PDE1C: variants seen among roughly 807,000 people sequenced by gnomAD.
PDE1C encodes the protein dual specificity calcium/calmodulin-dependent 3',5'-cyclic nucleotide phosphodiesterase 1C.
In PDE1C, 62 loss-of-function variants were observed where a neutral mutation model predicts 93.1. The ratio of observed to expected loss-of-function variants is 0.67; its 90% confidence interval spans 0.54 to 0.82. The LOEUF is 0.82. PDE1C is among the 40% of genes least tolerant of loss of function. The pLI, the probability that PDE1C is intolerant of heterozygous loss-of-function variation, is 0.00. For synonymous variants in PDE1C, 325 were observed against 310.1 expected (o/e 1.05, Z -0.50); for missense variants, 742 against 884.6 (o/e 0.84, Z 2.04).
At chr7:31,631,286 G>A in the PDE1C span, among the ~76,000 whole-genome samples, 1 of 152,088 alleles carries the variant, frequency 6.6e-6, no homozygotes, top group African/African-American at 2.4e-5. Context: ...ACACATATGC[G>A]TGCGTGCACA....
intron 2 of PDE1C, among the ~76,000 whole-genome samples, chr7:32,039,428 C>A (rs117391774): frequency 3.9e-5 from 6 of 152,246 alleles, no homozygotes; most frequent in Non-Finnish European, 8.8e-5. Context: ...TCTGAGAATT[C>A]TTGATTATGA....
At chr7:32,160,139 C>A (rs1801820999) in intron 3 of PDE1C, among the ~76,000 whole-genome samples, 1 of 152,080 alleles carries the variant, frequency 6.6e-6, no homozygotes, top group Non-Finnish European at 1.5e-5. Flanking sequence ...ATCACACCTG[C>A]CAGCAGAGCC....
At chr7:31,998,493 G>A (rs531298729) in intron 2 of PDE1C, among the ~76,000 whole-genome samples, 2 of 152,182 alleles carry the variant, frequency 1.3e-5, no homozygotes, top group East Asian at 3.9e-4. Flanking sequence ...GTAATATACC[G>A]AATGATCATT....
At chr7:31,884,891 C>A (rs1286756445) in intron 2 of PDE1C, among the ~76,000 whole-genome samples, 3 of 152,170 alleles carry the variant, frequency 2.0e-5, no homozygotes, top group Non-Finnish European at 2.9e-5. Flanking sequence ...GAAGGGTTGT[C>A]TGAAAATTAG....
At chr7:32,340,347 AG>A (rs141333756) in intron 1 of PDE1C, among the ~76,000 whole-genome samples, 2,885 of 152,238 alleles carry the variant, frequency 0.019, 39 homozygotes, top group South Asian at 0.028. Context: ...GAGAATAGGG[AG>A]TGAATGTGGA....
the PDE1C span, among the ~76,000 whole-genome samples, chr7:31,645,721 C>T: frequency 1.9e-4 from 29 of 152,178 alleles, 1 homozygote; most frequent in African/African-American, 6.3e-4. Flanking sequence ...GATGACATTT[C>T]GTGATGTTTG....
chr7:32,406,653 G>C (rs1288313574), intron 1 of PDE1C, among the ~76,000 whole-genome samples: 1 of 152,120 alleles, frequency 6.6e-6, no homozygotes, highest in Non-Finnish European at 1.5e-5. Flanking sequence ...ATATGGTTTT[G>C]GGACTGTGGG....
chr7:32,331,340 C>A (rs11514764), intron 1 of PDE1C, among the ~76,000 whole-genome samples: 1 of 152,034 alleles, frequency 6.6e-6, no homozygotes, highest in Non-Finnish European at 1.5e-5. Flanking sequence ...CGCTGGTGTG[C>A]GAAGCAAGAC....
At chr7:32,076,642 C>CAAAA (rs869181797) in intron 3 of PDE1C, among the ~76,000 whole-genome samples, 1 of 40,498 alleles carries the variant, frequency 2.5e-5, no homozygotes, top group African/African-American at 9.5e-5. Context: ...GACTCCATCT[C>CAAAA]AAAAAAAAAA....
At chr7:31,732,550 T>A in the PDE1C span, among the ~76,000 whole-genome samples, 1 of 152,104 alleles carries the variant, frequency 6.6e-6, no homozygotes, top group Non-Finnish European at 1.5e-5. Context: ...ATACCTGGCC[T>A]ACCCTTTGGA....
chr7:31,964,374 G>C (rs1809547085), intron 2 of PDE1C, among the ~76,000 whole-genome samples: 1 of 148,302 alleles, frequency 6.7e-6, no homozygotes, highest in Non-Finnish European at 1.5e-5. Flanking sequence ...ACAGCAATCT[G>C]AGATCAAACT....
rs1178447698 is a variant in PDE1C at position 31,823,092 on chromosome 7, C to A, written c.1563G>T (p.Trp521Cys). 3.1e-6 allele frequency: 5 copies of A among 1,611,448 alleles called. No homozygotes were observed. Among genetic ancestry groups the A allele is most frequent in the Non-Finnish European group, 4.2e-6 (5 of 1,178,716 alleles). Residue 521 changes from tryptophan (W) to cysteine (C), a missense_variant, in exon 14 of 18, where the codon TGG (tryptophan) becomes TGT (cysteine). This residue lies in a region of PDE1C where 454 missense variants were observed against 459.4 expected (regional missense o/e 0.99). Transcript: ENST00000396191. Reference sequence around the variant, plus strand: ...TGTTACCTTTGGGTACCTTGGCCCTCCATCTCTCCCGATTGATGTGCACCA... The same window carrying A: ...TGTTACCTTTGGGTACCTTGGCCCTACATCTCTCCCGATTGATGTGCACCA... ...TEVVHINRER[W>C]RAKVPKEEKA...
At chr7:31,715,419 A>G in the PDE1C span, among the ~76,000 whole-genome samples, 1 of 152,104 alleles carries the variant, frequency 6.6e-6, no homozygotes, top group Non-Finnish European at 1.5e-5. Flanking sequence ...TTGTATTTTT[A>G]GTAGAGATGG....
In PDE1C at chr7:31,955,579, GATTA is replaced by G. The variant is rs1324046998; in HGVS notation, c.129-74723_129-74720del. Reference sequence around the variant, plus strand: ...GGGGTGGGGCAGTATAAAGTATACTGATTAATTGTCTTAAAATTTAAAAATTCCA... The same window carrying G: ...GGGGTGGGGCAGTATAAAGTATACTGATTGTCTTAAAATTTAAAAATTCCA... On this transcript the variant is annotated intron_variant, in intron 2 of 17. Transcript: ENST00000396191. 8.5e-5 allele frequency among the ~76,000 whole-genome samples: 13 copies of G among 152,196 alleles called. 1 individual carries two copies. The highest frequency in any genetic ancestry group is 7.2e-4 in the Admixed American group (11 of 15,284).
intron 2 of PDE1C, among the ~76,000 whole-genome samples, chr7:32,039,780 A>T (rs1003266611): frequency 1.3e-5 from 2 of 152,230 alleles, no homozygotes; most frequent in Non-Finnish European, 2.9e-5. Context: ...TACCCCCACA[A>T]GTAAGGGATG....
At chr7:31,840,711 T>A (rs1289263683) in intron 9 of PDE1C, among the ~76,000 whole-genome samples, 1 of 152,198 alleles carries the variant, frequency 6.6e-6, no homozygotes, top group Non-Finnish European at 1.5e-5. Context: ...ATTGAATTAA[T>A]TTGGCATCAT....
upstream of PDE1C, chr7:32,070,481 C>G: frequency 6.4e-7 from 1 of 1,568,400 alleles, no homozygotes; most frequent in East Asian, 2.3e-5. Flanking sequence ...CGATGCCCAG[C>G]CAGGCGCGGC....
rs1001999510 is a variant in PDE1C at position 31,838,123 on chromosome 7, A to G, written c.981-152T>C. On this transcript the variant is annotated intron_variant, in intron 9 of 17. Coordinates refer to ENST00000396191, the MANE Select transcript of PDE1C (RefSeq NM_001191057.4). Reference sequence around the variant, plus strand: ...GTCTTTAAGGTGAGCTTTTCAAATAAGGAATAAATGAAAGCTAAGTATTAA... The same window carrying G: ...GTCTTTAAGGTGAGCTTTTCAAATAGGGAATAAATGAAAGCTAAGTATTAA... 1.4e-5 allele frequency: 9 copies of G among 624,598 alleles called. No homozygotes were observed. The African/African-American group carries it at 1.6e-4, about 11-fold the overall frequency. 38.7% of individuals were successfully genotyped at this position (624,598 alleles called of 1,614,324 possible).
chr7:31,909,100 G>C (rs1160959035), intron 2 of PDE1C, among the ~76,000 whole-genome samples: 1 of 151,976 alleles, frequency 6.6e-6, no homozygotes, highest in Non-Finnish European at 1.5e-5. Flanking sequence ...CTCTTATTAT[G>C]TATCTCCTAC....
Sources: gnomAD v4.1 joint callset for allele counts (sites outside exome capture counted in the v4.1 genomes callset) on GRCh38, gnomAD v4.1.1 for gene constraint, gnomAD v4.1.1 regional missense constraint, MANE v1.5 for transcripts, NCBI Gene and HGNC (gene_info 2026-07-23, HGNC 2026-07-21) for gene names.